The following ANKFN1 variants were observed in gnomAD, a reference collection of about 807,000 sequenced individuals.
ANKFN1 encodes ankyrin repeat and fibronectin type-III domain-containing protein 1.
ANKFN1 carries 74 observed loss-of-function variants against 108.7 expected under a neutral mutation model. That is an observed-to-expected ratio of 0.68 (90% CI 0.56 to 0.83). ANKFN1 has a LOEUF of 0.83. ANKFN1 is among the 40% of genes least tolerant of loss of function. The pLI is 0.00. For missense variants in ANKFN1, 1,505 were observed against 1,382.3 expected (o/e 1.09, Z -1.41); for synonymous variants, 547 against 516.2 (o/e 1.06, Z -0.81).
chr17:56,420,569 C>G (rs2048369400), intron 8 of ANKFN1, among the ~76,000 whole-genome samples: 1 of 151,482 alleles, frequency 6.6e-6, no homozygotes, highest in African/African-American at 2.4e-5. Context: ...CTGGATACAT[C>G]AATAGGAATT....
chr17:56,401,090 G>GAAAA (rs1477029474), intron 8 of ANKFN1, among the ~76,000 whole-genome samples: 1 of 152,088 alleles, frequency 6.6e-6, no homozygotes, highest in Non-Finnish European at 1.5e-5. Context: ...GGTTCCACAT[G>GAAAA]AATTTTATAA....
chr17:56,351,017 T>A, intron 5 of ANKFN1, 50 bp downstream of exon 5: 1 of 1,572,734 alleles, frequency 6.4e-7, no homozygotes, highest in Non-Finnish European at 8.7e-7. Context: ...TTCATTTATG[T>A]TTGGGTTTAA....
At chr17:56,080,803 T>G (rs1356130269) in intron 4 of ANKFN1, among the ~76,000 whole-genome samples, 1 of 152,208 alleles carries the variant, frequency 6.6e-6, no homozygotes, top group South Asian at 2.1e-4. Context: ...AAAGTGTGTG[T>G]TTTGGAAAAT....
At chr17:56,125,090 A>G (rs1487937214) in intron 4 of ANKFN1, among the ~76,000 whole-genome samples, 4 of 152,060 alleles carry the variant, frequency 2.6e-5, no homozygotes, top group Non-Finnish European at 5.9e-5. Flanking sequence ...ACCTTTCCTA[A>G]TCACCTCAAC....
intron 18 of ANKFN1, among the ~76,000 whole-genome samples, chr17:56,490,986 G>A (rs2051018907): frequency 6.6e-6 from 1 of 152,066 alleles, no homozygotes; most frequent in Admixed American, 6.6e-5. Context: ...ATTGTAGGGT[G>A]GACAAAAATC....
chr17:56,304,169 C>A (rs955324573), intron 3 of ANKFN1, among the ~76,000 whole-genome samples: 2 of 152,128 alleles, frequency 1.3e-5, no homozygotes, highest in African/African-American at 4.8e-5. Context: ...GCCCCTACCC[C>A]CTCCTTAACT....
At chr17:56,058,224 A>G (rs1312267793) in intron 4 of ANKFN1, among the ~76,000 whole-genome samples, 1 of 152,202 alleles carries the variant, frequency 6.6e-6, no homozygotes, top group Non-Finnish European at 1.5e-5. Context: ...CCAAGCATTG[A>G]CTTCTCCTCT....
chr17:56,231,795 G>C (rs1322058930), intron 3 of ANKFN1, among the ~76,000 whole-genome samples: 1 of 152,054 alleles, frequency 6.6e-6, no homozygotes, highest in Non-Finnish European at 1.5e-5. Flanking sequence ...TGATTTTACT[G>C]TGTGTGTGTT....
rs546790470 is a variant in ANKFN1 at position 56,510,344 on chromosome 17, G to A, written c.2645-129G>A. 1.7e-5 allele frequency: 13 copies of A among 774,248 alleles called. No individual in the cohort carries two copies. In the African/African-American group the frequency reaches 2.3e-4, roughly 14 times the overall value. The allele number at this position is 774,248 out of a possible 1,614,324, so 48.0% of individuals were successfully genotyped here. A position where few individuals can be genotyped will look rare whatever the true frequency, so the allele number is the denominator to read the frequency against. On this transcript the variant is annotated intron_variant, in intron 20 of 20. Transcript: ENST00000682825. The stretch of plus-strand genomic sequence containing the variant: ...TCAAAATGTGTCAGCATTTCAGGAG[G>A]TGACAGCAGGGCATTAAACGAAGCA...
intron 2 of ANKFN1, among the ~76,000 whole-genome samples, chr17:56,223,238 G>T (rs1485859728): frequency 4.6e-5 from 7 of 152,316 alleles, no homozygotes; most frequent in Middle Eastern, 6.8e-3. Flanking sequence ...GCTGTTGATA[G>T]AATTACTTCT....
At chr17:56,456,746 G>T in intron 11 of ANKFN1, 115 bp from the exon 12 acceptor site, 1 of 821,118 alleles carries the variant, frequency 1.2e-6, no homozygotes, top group South Asian at 1.5e-5. Context: ...ATGAACCTGA[G>T]GATAAGTGAC....
intron 1 of ANKFN1, among the ~76,000 whole-genome samples, chr17:56,159,515 A>G (rs1196182553): frequency 6.6e-6 from 1 of 152,212 alleles, no homozygotes; most frequent in Admixed American, 6.5e-5. Flanking sequence ...CAACCAGCAT[A>G]TATTTCCCCA....
At chr17:56,492,779 AC>A (rs1381536293) in intron 19 of ANKFN1, among the ~76,000 whole-genome samples, 1 of 152,176 alleles carries the variant, frequency 6.6e-6, no homozygotes, top group African/African-American at 2.4e-5. Context: ...TCCAATTAGA[AC>A]TAAAATTCCT....
intron 6 of ANKFN1, 125 bp downstream of exon 6, chr17:56,354,171 GGAT>G: frequency 1.1e-6 from 1 of 921,998 alleles, no homozygotes; most frequent in Non-Finnish European, 1.6e-6. Context: ...GATAGGCTTT[GGAT>G]GTTTTCATGG....
intron 3 of ANKFN1, among the ~76,000 whole-genome samples, chr17:56,241,657 C>T (rs1418419441): frequency 3.9e-5 from 6 of 152,078 alleles, no homozygotes; most frequent in African/African-American, 1.2e-4. Flanking sequence ...ACTATATATA[C>T]TATGTCTTTT....
chr17:56,210,870 C>T lies in ANKFN1; in HGVS notation c.-70-1728C>T, dbSNP rs548361532. Among the ~76,000 whole-genome samples the T allele has an allele frequency of 5.3e-5, 8 of 152,242 alleles. No homozygotes were observed. In the South Asian group the frequency reaches 1.5e-3, roughly 28 times the overall value. ...ATCACAAGAACAGCATGGGGGAAAC[C>T]GCCCCCTTGATTCAATTACCTCCCA... On this transcript the variant is annotated intron_variant, in intron 1 of 20. Coordinates refer to ENST00000682825, the MANE Select transcript of ANKFN1 (RefSeq NM_001370326.1).
exon 4 of ANKFN1, chr17:56,046,253 A>ACAG (rs1162687349): frequency 1.2e-5 from 2 of 160,454 alleles, no homozygotes; most frequent in East Asian, 1.8e-4. Flanking sequence ...AGCAGCAGCA[A>ACAG]CAGCAGCAGC....
intron 17 of ANKFN1, 104 bp downstream of exon 17, chr17:56,480,922 T>TGTGTGTGTGC (rs1491363311): frequency 9.2e-6 from 1 of 108,400 alleles, no homozygotes; most frequent in African/African-American, 4.5e-5. Flanking sequence ...TGTGTGTGTG[T>TGTGTGTGTGC]AAATTTTCCT....
chr17:56,063,314 A>C lies in ANKFN1; in HGVS notation c.288+16989A>C, dbSNP rs1474628636. Among the ~76,000 whole-genome samples, 5 of 152,016 alleles carry C rather than the reference A, an allele frequency of 3.3e-5. No individual in the cohort carries two copies. The East Asian group carries it at 7.7e-4, about 24-fold the overall frequency. ...TTGGCCTGTCTTGTTAGATTGGGGAAGTTCTCCTGGATAATATCCTGAAAT... is the reference window on the plus strand; with the variant it reads ...TTGGCCTGTCTTGTTAGATTGGGGACGTTCTCCTGGATAATATCCTGAAAT... On this transcript the variant is annotated intron_variant, in intron 4 of 12. Transcript: ENST00000635860.
Sources: gnomAD v4.1 joint callset for allele counts (sites outside exome capture counted in the v4.1 genomes callset) on GRCh38, gnomAD v4.1.1 for gene constraint, MANE v1.5 for transcripts, NCBI Gene and HGNC (gene_info 2026-07-23, HGNC 2026-07-21) for gene names.